ZSCAN5A: variants seen among roughly 807,000 people sequenced by gnomAD.
The protein encoded by ZSCAN5A is zinc finger and SCAN domain containing 5A.
Under a neutral mutation model 23.7 loss-of-function variants are expected in ZSCAN5A, and 12 were observed. The ratio of observed to expected loss-of-function variants is 0.51; its 90% CI spans 0.32 to 0.82. The LOEUF (loss-of-function observed/expected upper bound fraction) is 0.82, where lower values mean the gene tolerates loss of function less well. Ranked by LOEUF, ZSCAN5A falls within the 40% of genes least tolerant of loss-of-function variation. The pLI, the probability that ZSCAN5A is intolerant of heterozygous loss-of-function variation, is 0.03. For synonymous variants in ZSCAN5A, 257 were observed against 239.9 expected, an observed-to-expected ratio of 1.07 and a Z score of -0.66; for missense variants, 597 against 617.9, an observed-to-expected ratio of 0.97 and a Z score of 0.36.
chr19:56,301,754 G>A (rs978610040), intron 2 of ZSCAN5A, among the ~76,000 whole-genome samples: 3 of 152,168 alleles, frequency 2.0e-5, no homozygotes, highest in Non-Finnish European at 4.4e-5. Flanking sequence ...TGAGGTGGGA[G>A]AGCCAAAAGG....
At position 56,224,394 on chromosome 19, in the gene ZSCAN5A, C is replaced by T. The variant is rs563292506; in HGVS notation, c.384+269G>A. 18 of 514,906 alleles carry T rather than the reference C, an allele frequency of 3.5e-5. No individual in the cohort carries two copies. In the East Asian group the frequency reaches 5.8e-4, roughly 17 times the overall value. 31.9% of individuals were successfully genotyped at this position (514,906 alleles called of 1,614,324 possible). A position where few individuals can be genotyped will look rare whatever the true frequency, so the allele number is the denominator to read the frequency against. ...GTCCATCTCCTACACCAGGAACTTGCCGTCTCAGCACAGCTGATATTGGAA... is the reference window on the plus strand; with the variant it reads ...GTCCATCTCCTACACCAGGAACTTGTCGTCTCAGCACAGCTGATATTGGAA... On this transcript the variant is annotated intron_variant, in intron 3 of 5. Transcript: ENST00000683990.
At chr19:56,332,155 G>A (rs1395681605) in intron 2 of ZSCAN5A, among the ~76,000 whole-genome samples, 1 of 152,136 alleles carries the variant, frequency 6.6e-6, no homozygotes, top group African/African-American at 2.4e-5. Flanking sequence ...TGTGGCTTCA[G>A]TGTTCTGTAA....
intron 2 of ZSCAN5A, chr19:56,274,702 A>G (rs1487060493): frequency 6.6e-6 from 1 of 152,198 alleles, no homozygotes; most frequent in Non-Finnish European, 1.5e-5. Flanking sequence ...GTTTCTACTA[A>G]TAGAAAAACT....
intron 2 of ZSCAN5A, among the ~76,000 whole-genome samples, chr19:56,277,300 T>C (rs1452588148): frequency 4.6e-5 from 7 of 152,206 alleles, no homozygotes. Flanking sequence ...CATCCATTAA[T>C]GAATGGAGAA....
chr19:56,238,111 A>AC (rs2035129090), intron 2 of ZSCAN5A, among the ~76,000 whole-genome samples: 1 of 134,578 alleles, frequency 7.4e-6, no homozygotes, highest in Admixed American at 7.4e-5. Context: ...AACACATACG[A>AC]ACACACACCC....
At chr19:56,248,687 C>T (rs930680929) in intron 2 of ZSCAN5A, among the ~76,000 whole-genome samples, 1 of 152,118 alleles carries the variant, frequency 6.6e-6, no homozygotes, top group Non-Finnish European at 1.5e-5. Flanking sequence ...TCCACCTTGG[C>T]CTCCAGAAGT....
intron 2 of ZSCAN5A, among the ~76,000 whole-genome samples, chr19:56,238,465 C>T (rs994632596): frequency 6.6e-6 from 1 of 152,042 alleles, no homozygotes; most frequent in Non-Finnish European, 1.5e-5. Context: ...CCCATCTTTA[C>T]AAAAAAATCT....
intron 2 of ZSCAN5A, among the ~76,000 whole-genome samples, chr19:56,334,454 ATTTATTT>A (rs1348844414): frequency 6.6e-6 from 1 of 151,994 alleles, no homozygotes; most frequent in African/African-American, 2.4e-5. Flanking sequence ...TGACATAACC[ATTTATTT>A]TTATTTTTTA....
chr19:56,307,463 A>G (rs1046869104), intron 2 of ZSCAN5A, among the ~76,000 whole-genome samples: 1 of 152,218 alleles, frequency 6.6e-6, no homozygotes, highest in Non-Finnish European at 1.5e-5. Context: ...GCTTTTCATT[A>G]CCAGAGGTAC....
chr19:56,353,551 G>A (rs972418063), intron 2 of ZSCAN5A, among the ~76,000 whole-genome samples: 10 of 151,968 alleles, frequency 6.6e-5, no homozygotes, highest in Non-Finnish European at 1.3e-4. Flanking sequence ...GGGCGAATCA[G>A]GAGGTCAGGA....
chr19:56,238,702 A>G (rs1286730191), intron 2 of ZSCAN5A, among the ~76,000 whole-genome samples: 1 of 152,126 alleles, frequency 6.6e-6, no homozygotes, highest in Non-Finnish European at 1.5e-5. Flanking sequence ...ACTATAAAAT[A>G]CTGATGAGAG....
At chr19:56,231,996 C>CTTTTCTTTTTTTTTTTT (rs1555793341) in intron 2 of ZSCAN5A, among the ~76,000 whole-genome samples, 1 of 124,986 alleles carries the variant, frequency 8.0e-6, no homozygotes, top group Non-Finnish European at 1.6e-5. Context: ...TTTTTCTTTT[C>CTTTTCTTTTTTTTTTTT]TTTTTTTTTG....
chr19:56,301,830 G>T, intron 2 of ZSCAN5A: 1 of 1,007,888 alleles, frequency 9.9e-7, no homozygotes, highest in African/African-American at 1.7e-5. Flanking sequence ...GTGATGGTGG[G>T]TGTGGACCAA....
intron 2 of ZSCAN5A, chr19:56,302,176 A>G: frequency 9.2e-7 from 1 of 1,084,638 alleles, no homozygotes; most frequent in East Asian, 3.2e-5. Context: ...GAGGAAGCGA[A>G]GGAGGGTGCC....
chr19:56,321,374 TTG>T, intron 2 of ZSCAN5A: 2 of 642,388 alleles, frequency 3.1e-6, no homozygotes, highest in Non-Finnish European at 5.8e-6. Context: ...ACACCAGCAG[TTG>T]GCTGGCAGAT....
chr19:56,222,366 A>G, intron 5 of ZSCAN5A, 40 bp from the exon 6 acceptor site: 7 of 1,598,984 alleles, frequency 4.4e-6, no homozygotes, highest in Non-Finnish European at 6.0e-6. Context: ...AATAAAGCGC[A>G]TTTTCAATAC....
At chr19:56,285,141 C>A in intron 2 of ZSCAN5A, 1 of 360,748 alleles carries the variant, frequency 2.8e-6, no homozygotes, top group Non-Finnish European at 3.9e-6. Flanking sequence ...CAGGTATTAT[C>A]CAAGCACATG....
intron 2 of ZSCAN5A, chr19:56,281,683 C>T: frequency 1.0e-6 from 1 of 985,298 alleles, no homozygotes; most frequent in African/African-American, 1.7e-5. Flanking sequence ...GGCTCTGCTG[C>T]CCCTTCCAGT....
intron 1 of ZSCAN5A, chr19:56,367,822 A>G (rs2041781370): frequency 1.3e-5 from 2 of 152,236 alleles, no homozygotes; most frequent in African/African-American, 4.8e-5. Context: ...GTCACATATC[A>G]AATCACATAA....
Sources: gnomAD v4.1 joint callset for allele counts (sites outside exome capture counted in the v4.1 genomes callset) on GRCh38, gnomAD v4.1.1 for gene constraint, MANE v1.5 for transcripts, NCBI Gene and HGNC (gene_info 2026-07-23, HGNC 2026-07-21) for gene names.